Variants in SHD observed in about 807,000 individuals in gnomAD.
SHD encodes the protein Src homology 2 domain containing transforming protein D, also known as SH2 domain-containing adapter protein D.
Under a neutral mutation model 31.2 loss-of-function variants are expected in SHD, and 29 were observed. The ratio of observed to expected loss-of-function variants is 0.93; its 90% CI spans 0.69 to 1.27. The LOEUF (loss-of-function observed/expected upper bound fraction) is 1.27, where lower values mean the gene tolerates loss of function less well. Among genes scored for constraint, SHD ranks in the 50% most tolerant of loss-of-function variants. The probability of loss-of-function intolerance (pLI) is 0.00; values close to 1 mark genes in which losing one functional copy is unlikely to be tolerated. For missense variants in SHD, 520 were observed against 453.8 expected, an observed-to-expected ratio of 1.15 and a Z score of -1.33; for synonymous variants, 208 against 187.8, an observed-to-expected ratio of 1.11 and a Z score of -0.88.
intron 5 of SHD, among the ~76,000 whole-genome samples, chr19:4,289,139 C>CT (rs1971350011): frequency 8.7e-6 from 1 of 114,368 alleles, no homozygotes; most frequent in Admixed American, 1.2e-4. Context: ...GAGACGGAGT[C>CT]TAGCTCTGTC....
chr19:4,287,485 G>A (rs979541715), intron 4 of SHD, among the ~76,000 whole-genome samples: 4 of 151,748 alleles, frequency 2.6e-5, no homozygotes, highest in African/African-American at 9.7e-5. Flanking sequence ...GGCTCCTCTT[G>A]AAAAATCCAA....
chr19:4,290,303 T>C, intron 5 of SHD, 144 bp from the exon 6 acceptor site: 1 of 810,496 alleles, frequency 1.2e-6, no homozygotes, highest in Non-Finnish European at 1.9e-6. Context: ...TGTGAGCGAG[T>C]ATACCAGCCA....
rs768058477 is a variant in SHD, at chr19:4,279,586, C to T, written c.-478C>T. 16 of 153,772 alleles carry T rather than the reference C, an allele frequency of 1.0e-4. No individual in the cohort carries two copies. The highest frequency in any genetic ancestry group is 2.0e-4 in the Admixed American group (3 of 15,340). The allele number at this position is 153,772 out of a possible 1,614,324, so 9.5% of individuals were successfully genotyped here. A position where few individuals can be genotyped will look rare whatever the true frequency, so the allele number is the denominator to read the frequency against. On this transcript the variant is annotated 5_prime_UTR_variant, in exon 1 of 6. Coordinates refer to ENST00000543264, the MANE Select transcript of SHD (RefSeq NM_020209.4). The surrounding 1 kb of genome is among the most constrained non-coding windows in gnomAD (Gnocchi z 7.5). The stretch of plus-strand genomic sequence containing the variant: ...GGAGCCCGCCCGCTGCGCTGAGAAC[C>T]CAGGCGTCCGGGCTGGGAGAGGGGC...
At chr19:4,283,720 A>T (rs182645545) in intron 3 of SHD, among the ~76,000 whole-genome samples, 1 of 151,756 alleles carries the variant, frequency 6.6e-6, no homozygotes. Context: ...CTGGGACTAC[A>T]GGCGCCCGCC....
chr19:4,289,884 T>C (rs561995890), intron 5 of SHD, among the ~76,000 whole-genome samples: 52 of 150,054 alleles, frequency 3.5e-4, no homozygotes, highest in Admixed American at 2.3e-3. Flanking sequence ...TTTTTTATTA[T>C]TATTATTTTG....
Position 4,290,717 on chromosome 19 carries a change from A to G in SHD, c.*84A>G. ...CCATGGCCTAGAAAATAAATAAGTT[A>G]TTGTTTGTCTTAGTGTCCTTTCTGG... is the stretch of plus-strand genomic sequence containing the variant. On this transcript the variant is annotated 3_prime_UTR_variant, in exon 6 of 6. Coordinates refer to ENST00000543264, the MANE Select transcript of SHD (RefSeq NM_020209.4). 7.2e-7 allele frequency: 1 copy of G among 1,393,790 alleles called. No individual in the cohort carries two copies. The highest frequency in any genetic ancestry group is 2.5e-5 in the East Asian group (1 of 39,684). The allele number at this position is 1,393,790 out of a possible 1,614,324, so 86.3% of individuals were successfully genotyped here.
chr19:4,288,067 A>C, intron 4 of SHD, 176 bp from the exon 5 acceptor site: 2 of 591,940 alleles, frequency 3.4e-6, no homozygotes, highest in Non-Finnish European at 5.1e-6. Context: ...ACGCCCGGCT[A>C]ATTTTTTTTG....
chr19:4,285,711 A>G (rs1277735035), intron 4 of SHD, among the ~76,000 whole-genome samples: 1 of 150,248 alleles, frequency 6.7e-6, no homozygotes, highest in Non-Finnish European at 1.5e-5. Context: ...CACCATGCCT[A>G]GCTAATTTTT....
At chr19:4,283,423 G>C (rs1971276896) in intron 3 of SHD, among the ~76,000 whole-genome samples, 181 bp downstream of exon 3, 2 of 152,098 alleles carry the variant, frequency 1.3e-5, no homozygotes, top group Admixed American at 6.6e-5. Context: ...AAGACAACCT[G>C]CATCTTCCTT....
At position 4,286,276 on chromosome 19, in the gene SHD, TTTCTTTTTTTCTTTCC is replaced by T. The variant is rs1971315204; in HGVS notation, c.716+1376_716+1391del. Among the ~76,000 whole-genome samples, 6 of 104,514 alleles carry T rather than the reference TTTCTTTTTTTCTTTCC, an allele frequency of 5.7e-5. No individual in the cohort carries two copies. The South Asian group carries it at 9.2e-4, about 16-fold the overall frequency. 68.6% of individuals were successfully genotyped at this position (104,514 alleles called of 152,430 possible). A position where few individuals can be genotyped will look rare whatever the true frequency, so the allele number is the denominator to read the frequency against. ...CTTTCTTTCTCTCTTTCTTTCTTTC[TTTCTTTTTTTCTTTCC>T]TTCCTTCCTTCCTTCCTTCCTTCCT... On this transcript the variant is annotated intron_variant, in intron 4 of 5. Coordinates refer to ENST00000543264, the MANE Select transcript of SHD (RefSeq NM_020209.4).
chr19:4,286,271 C>CT (rs1207436754), intron 4 of SHD, among the ~76,000 whole-genome samples: 1 of 124,602 alleles, frequency 8.0e-6, no homozygotes, highest in African/African-American at 3.0e-5. Context: ...CTCTTTCTTT[C>CT]TTTCTTTCTT....
At chr19:4,286,263 CTT>C (rs1455366899) in intron 4 of SHD, among the ~76,000 whole-genome samples, 1 of 106,518 alleles carries the variant, frequency 9.4e-6, no homozygotes, top group African/African-American at 3.2e-5. Flanking sequence ...TTCTTTCTCT[CTT>C]TCTTTCTTTC....
chr19:4,280,247 G>C lies in SHD; in HGVS notation c.184G>C (p.Asp62His). 1.2e-6 allele frequency: 2 copies of C among 1,613,750 alleles called. No individual in the cohort carries two copies. The highest frequency in any genetic ancestry group is 1.7e-6 in the Non-Finnish European group (2 of 1,179,972). Residue 62 changes from aspartate (D) to histidine (H), a missense_variant, in exon 1 of 6, where the codon GAC (aspartate) becomes CAC (histidine). Transcript: ENST00000543264. ...RLEPDPAGPG[D>H]SKNPGDAKYG... is the part of the protein sequence containing the mutation. Reference sequence around the variant, plus strand: ...GGAGCCGGACCCCGCGGGCCCTGGGGACTCCAAGAACCCCGGAGATGCCAA... The same window carrying C: ...GGAGCCGGACCCCGCGGGCCCTGGGCACTCCAAGAACCCCGGAGATGCCAA...
At chr19:4,285,695 G>A (rs879686102) in intron 4 of SHD, among the ~76,000 whole-genome samples, 7 of 149,228 alleles carry the variant, frequency 4.7e-5, no homozygotes, top group Non-Finnish European at 7.4e-5. Flanking sequence ...GACTACAGGC[G>A]TGCACCACCA....
In SHD at chr19:4,279,732, C is replaced by T. The variant is rs1310881113; in HGVS notation, c.-332C>T. ...GGAACCGCGCTGCCCGCGGAAACTC[C>T]GCGCGCCTCCGCGGATGCCCCTCGC... On this transcript the variant is annotated 5_prime_UTR_variant, in exon 1 of 6. Transcript: ENST00000543264. This position sits in a 1 kb window ranked among gnomAD's most constrained non-coding sequence, Gnocchi z 7.5. 1.2e-5 allele frequency: 3 copies of T among 259,884 alleles called. No individual in the cohort carries two copies. Among genetic ancestry groups the T allele is most frequent in the South Asian group, 1.2e-4 (1 of 8,118 alleles). The allele number at this position is 259,884 out of a possible 1,614,324, so 16.1% of individuals were successfully genotyped here.
At position 4,290,610 on chromosome 19, in the gene SHD, C is replaced by G; in HGVS notation, c.1000C>G (p.Pro334Ala). The change falls in exon 6 of 6, where the codon CCC (proline) becomes GCC (alanine). Residue 334 changes from proline (P) to alanine (A), a missense_variant. By Grantham distance (27) the Pro-to-Ala change is conservative. Transcript: ENST00000543264. ...TGCCGAGCATCTGGCTCTGCTGTAC[C>G]CCGTGGTCACGCAGACCCCCTGACA... ...QGAEHLALLY[P>A]VVTQTP 6.2e-7 allele frequency: 1 copy of G among 1,610,786 alleles called. No individual in the cohort carries two copies. Among genetic ancestry groups the G allele is most frequent in the Non-Finnish European group, 8.5e-7 (1 of 1,178,192 alleles).
In SHD at chr19:4,279,904, A is replaced by G. The variant is rs561571727; in HGVS notation, c.-160A>G. 4.2e-4 allele frequency: 348 copies of G among 820,702 alleles called. 2 individuals are homozygous for G. In the East Asian group the frequency reaches 9.2e-3, roughly 22 times the overall value. 50.8% of individuals were successfully genotyped at this position (820,702 alleles called of 1,614,324 possible). A position where few individuals can be genotyped will look rare whatever the true frequency, so the allele number is the denominator to read the frequency against. ...CCTCGTTCACCTTTTCCTTCCCTCT[A>G]TCCATCCAGAGCCCCGCCAAAGGGC... On this transcript the variant is annotated 5_prime_UTR_variant, in exon 1 of 6. Coordinates refer to ENST00000543264, the MANE Select transcript of SHD (RefSeq NM_020209.4). The surrounding 1 kb of genome is among the most constrained non-coding windows in gnomAD (Gnocchi z 7.5).
intron 1 of SHD, 75 bp downstream of exon 1, chr19:4,280,435 T>G (rs1971246465): frequency 6.9e-7 from 1 of 1,443,842 alleles, no homozygotes; most frequent in African/African-American, 1.4e-5. Flanking sequence ...GTGGAGAGCT[T>G]ATTTTATGTG....
At chr19:4,286,251 CTTT>C (rs1568369380) in intron 4 of SHD, among the ~76,000 whole-genome samples, 1 of 114,272 alleles carries the variant, frequency 8.8e-6, no homozygotes, top group South Asian at 2.8e-4. Flanking sequence ...TTCTTTCTTT[CTTT>C]CTTTCTCTCT....
Sources: allele counts gnomAD v4.1 joint callset (sites outside exome capture counted in the v4.1 genomes callset), GRCh38; gene constraint gnomAD v4.1.1; non-coding constraint Gnocchi (gnomAD v3.1); transcripts MANE v1.5; gene names NCBI Gene and HGNC (gene_info 2026-07-23, HGNC 2026-07-21).